Variants in ZNF721 observed in about 807,000 individuals in gnomAD.
ZNF721 encodes zinc finger protein 721.
In ZNF721, 2 loss-of-function variants were observed where a neutral mutation model predicts 2.4. The ratio of observed to expected loss-of-function variants is 0.82; its 90% CI spans 0.34 to 2.58. The LOEUF (loss-of-function observed/expected upper bound fraction) is 2.58. Ranked by LOEUF, ZNF721 falls within the 30% of genes most tolerant of loss-of-function variation. ZNF721 has a pLI of 0.11. For missense variants in ZNF721, 1,187 were observed against 1,085.5 expected, an observed-to-expected ratio of 1.09 and a Z score of -1.31; for synonymous variants, 398 against 381.8, an observed-to-expected ratio of 1.04 and a Z score of -0.50.
chr4:455,199 T>C (rs1714808514), intron 2 of ZNF721, among the ~76,000 whole-genome samples: 1 of 152,242 alleles, frequency 6.6e-6, no homozygotes, highest in Admixed American at 6.5e-5. Flanking sequence ...GGATAAAGGT[T>C]GTTTACCCTT....
At position 444,051 on chromosome 4, in the gene ZNF721, C is replaced by A. The variant is rs1553863836; in HGVS notation, c.416G>T (p.Cys139Phe). 1 of 1,613,836 alleles carries A rather than the reference C, an allele frequency of 6.2e-7. No individual in the cohort carries two copies. ...TCCAAAGTCTTTGCCACGTTCTTCACAAGTGTAGGGTTTCTCTCCAGCATG... is the reference window on the plus strand; with the variant it reads ...TCCAAAGTCTTTGCCACGTTCTTCAAAAGTGTAGGGTTTCTCTCCAGCATG... ...GIHAGEKPYT[C>F]EERGKDFGWY... Residue 139 changes from cysteine (C) to phenylalanine (F), a missense_variant, in exon 3 of 3, where the codon TGT (cysteine) becomes TTT (phenylalanine). Cys to Phe is a radical substitution (Grantham distance 205). Coordinates refer to ENST00000511833, the MANE Select transcript of ZNF721 (RefSeq NM_133474.4).
chr4:497,127 C>G (rs1271461085), intron 1 of ZNF721, among the ~76,000 whole-genome samples: 1 of 151,428 alleles, frequency 6.6e-6, no homozygotes, highest in Admixed American at 6.6e-5. Flanking sequence ...ATTTTCTTAC[C>G]TAGTGATGGG....
rs144447770 is a variant in ZNF721, at chr4:455,021, G to A, written c.35-10589C>T. 2.6e-5 allele frequency among the ~76,000 whole-genome samples: 4 copies of A among 152,280 alleles called. No individual in the cohort carries two copies. The East Asian group carries it at 7.7e-4, about 29-fold the overall frequency. ...ACGAGACCTCTCCTCATCTGTGCACGGATGAATGGTGGACTCTAGAGCCCA... is the reference window on the plus strand; with the variant it reads ...ACGAGACCTCTCCTCATCTGTGCACAGATGAATGGTGGACTCTAGAGCCCA... On this transcript the variant is annotated intron_variant, in intron 2 of 2. Transcript: ENST00000511833.
Position 443,837 on chromosome 4 carries a change from T to G in ZNF721, c.630A>C (p.Glu210Asp). 6 of 1,613,988 alleles carry G rather than the reference T, an allele frequency of 3.7e-6. No individual in the cohort carries two copies. Among genetic ancestry groups the G allele is most frequent in the Non-Finnish European group, 5.1e-6 (6 of 1,179,910 alleles). The change falls in exon 3 of 3, where the codon GAA (glutamate) becomes GAC (aspartate). Residue 210 changes from glutamate to aspartate, a missense_variant. Transcript: ENST00000511833. ...RAFGWSTNLN[E>D]YKKIHTGDKP... is the part of the protein sequence containing the mutation. ...TATCTCCAGTATGAATTTTCTTATA[T>G]TCATTCAGGTTTGTGGACCATCCAA...
At chr4:453,042 C>T (rs1411161395) in intron 2 of ZNF721, among the ~76,000 whole-genome samples, 1 of 152,218 alleles carries the variant, frequency 6.6e-6, no homozygotes, top group Non-Finnish European at 1.5e-5. Context: ...TCCAATGGGA[C>T]AAATCCTTTA....
chr4:474,116 C>T, intron 1 of ZNF721: 1 of 1,152,726 alleles, frequency 8.7e-7, no homozygotes, highest in Non-Finnish European at 1.2e-6. Context: ...GGAAGTGAGG[C>T]CCTAACCGAG....
chr4:458,390 C>G lies in ZNF721; in HGVS notation c.35-13958G>C, dbSNP rs192994173. On this transcript the variant is annotated intron_variant, in intron 2 of 2. Coordinates refer to ENST00000511833, the MANE Select transcript of ZNF721 (RefSeq NM_133474.4). ...GAAATCTCATCAGCCCAGAATCCAA[C>G]AGAAGATATTTACCTCCCCAAACTA... is the stretch of plus-strand genomic sequence containing the variant. Among the ~76,000 whole-genome samples, 59 of 152,304 alleles carry G rather than the reference C, an allele frequency of 3.9e-4. 2 individuals are homozygous for G. The East Asian group carries it at 8.1e-3, about 21-fold the overall frequency.
intron 1 of ZNF721, among the ~76,000 whole-genome samples, chr4:486,348 C>T (rs1235487063): frequency 2.6e-5 from 4 of 152,008 alleles, no homozygotes; most frequent in African/African-American, 9.7e-5. Flanking sequence ...TTAGTAGAGA[C>T]AGGGTTTCAC....
intron 2 of ZNF721, among the ~76,000 whole-genome samples, chr4:470,132 T>C (rs972485010): frequency 2.6e-5 from 4 of 152,196 alleles, no homozygotes; most frequent in African/African-American, 7.2e-5. Flanking sequence ...TCCACCTGCC[T>C]CTGCCTCCCA....
intron 1 of ZNF721, among the ~76,000 whole-genome samples, chr4:496,376 T>TTATA (rs58487202): frequency 0.18 from 27,557 of 152,024 alleles, 3,044 homozygotes; most frequent in Middle Eastern, 0.26. Flanking sequence ...GGTCACCTCC[T>TTATA]TATATGCACC....
rs374015868 is a variant in ZNF721 at position 493,134 on chromosome 4, T to G, written c.-94+5922A>C. Among the ~76,000 whole-genome samples, 165 of 151,558 alleles carry G rather than the reference T, an allele frequency of 1.1e-3. 2 individuals are homozygous for G. The Middle Eastern group carries it at 0.027, about 25-fold the overall frequency. ...TAACTGTGGTAGTCATAATTTAAAG[T>G]TGTGAAACCGCCATTGCAAAATTAT... On this transcript the variant is annotated intron_variant, in intron 1 of 2. Coordinates refer to ENST00000511833, the MANE Select transcript of ZNF721 (RefSeq NM_133474.4).
intron 2 of ZNF721, among the ~76,000 whole-genome samples, chr4:447,270 C>T (rs371116569): frequency 4.6e-5 from 7 of 151,832 alleles, no homozygotes; most frequent in African/African-American, 1.2e-4. Flanking sequence ...TGCAGTGAGC[C>T]GAGATCGCGC....
intron 1 of ZNF721, among the ~76,000 whole-genome samples, chr4:478,325 A>G (rs2108716679): frequency 6.6e-6 from 1 of 152,312 alleles, no homozygotes; most frequent in South Asian, 2.1e-4. Flanking sequence ...AAATGAAAGT[A>G]TATACTCGCT....
intron 2 of ZNF721, among the ~76,000 whole-genome samples, chr4:450,343 A>G (rs1553864705): frequency 2.0e-5 from 3 of 152,252 alleles, no homozygotes; most frequent in African/African-American, 7.2e-5. Context: ...CATCTACAAT[A>G]CAGAATACAA....
chr4:477,254 C>CTTT (rs35272784), intron 1 of ZNF721, among the ~76,000 whole-genome samples: 25 of 74,166 alleles, frequency 3.4e-4, no homozygotes, highest in African/African-American at 1.1e-3. Flanking sequence ...TGGTGAGTTC[C>CTTT]TTTTTTTTTT....
chr4:444,979 CTTTTTTT>C (rs569762644), intron 2 of ZNF721, among the ~76,000 whole-genome samples: 7 of 108,736 alleles, frequency 6.4e-5, no homozygotes, highest in South Asian at 3.0e-4. Flanking sequence ...TGATGAGAGA[CTTTTTTT>C]TTTTTTTTTT....
Position 442,243 on chromosome 4 carries a change from C to A in ZNF721, c.2224G>T (p.Glu742Ter). The A allele has an allele frequency of 6.2e-7, 1 of 1,612,906 alleles. No homozygotes were observed. The highest frequency in any genetic ancestry group is 1.7e-5 in the Admixed American group (1 of 59,848). Residue 742 changes from glutamate to a stop codon, truncating the protein, a stop_gained, in exon 3 of 3, where the codon GAA becomes TAA. Coordinates refer to ENST00000511833, the MANE Select transcript of ZNF721 (RefSeq NM_133474.4). LOFTEE classifies it low-confidence loss of function (END_TRUNC). Reference protein sequence around the residue: ...RSFGWSTNLNEYKKIHTGDKL... With the variant: ...RSFGWSTNLN ...TCTCCAGTATGAATTTTCTTATATTCGTTCAGGTTTGTGGACCATCCAAAG... is the reference window on the plus strand; with the variant it reads ...TCTCCAGTATGAATTTTCTTATATTAGTTCAGGTTTGTGGACCATCCAAAG...
intron 1 of ZNF721, chr4:474,046 G>C (rs1377576560): frequency 6.8e-7 from 1 of 1,481,456 alleles, no homozygotes; most frequent in Non-Finnish European, 9.1e-7. Context: ...GCAGGTTACA[G>C]AGCGATGGAG....
At chr4:449,021 A>C (rs1553864509) in intron 2 of ZNF721, among the ~76,000 whole-genome samples, 1 of 152,198 alleles carries the variant, frequency 6.6e-6, no homozygotes, top group African/African-American at 2.4e-5. Context: ...CAGATATCTA[A>C]AGTGGTCTGA....
Sources: gnomAD v4.1 joint callset for allele counts (sites outside exome capture counted in the v4.1 genomes callset) on GRCh38, gnomAD v4.1.1 for gene constraint, MANE v1.5 for transcripts, NCBI Gene and HGNC (gene_info 2026-07-23, HGNC 2026-07-21) for gene names.